Variants in SERPINI1 observed in about 807,000 individuals in gnomAD.
SERPINI1 encodes the protein serpin family I member 1.
In SERPINI1, 19 loss-of-function variants were observed where a neutral mutation model predicts 41.1. That is an observed-to-expected ratio of 0.46 (90% confidence interval 0.32 to 0.68). SERPINI1 has a LOEUF of 0.68. SERPINI1 is among the 30% of genes least tolerant of loss of function. The pLI is 0.03. For missense variants in SERPINI1, 460 were observed against 479.2 expected, an observed-to-expected ratio of 0.96 and a Z score of 0.37; for synonymous variants, 138 against 156.6, an observed-to-expected ratio of 0.88 and a Z score of 0.89.
intron 6 of SERPINI1, among the ~76,000 whole-genome samples, chr3:167,811,910 G>T (rs1382626864): frequency 1.3e-5 from 2 of 152,074 alleles, no homozygotes; most frequent in Non-Finnish European, 2.9e-5. Flanking sequence ...GAATAATTCA[G>T]TACTATCATT....
intron 1 of SERPINI1, among the ~76,000 whole-genome samples, chr3:167,770,278 A>T (rs1052974478): frequency 6.6e-6 from 1 of 151,728 alleles, no homozygotes; most frequent in African/African-American, 2.4e-5. Flanking sequence ...TTAAAGTCTG[A>T]TCTCTCTGGA....
At chr3:167,772,546 C>T (rs1259044068) in intron 1 of SERPINI1, among the ~76,000 whole-genome samples, 1 of 152,150 alleles carries the variant, frequency 6.6e-6, no homozygotes, top group East Asian at 1.9e-4. Flanking sequence ...CCATGATGCT[C>T]ATGGCAACCC....
chr3:167,799,904 A>T (rs986881441), intron 5 of SERPINI1: 1 of 152,100 alleles, frequency 6.6e-6, no homozygotes, highest in African/African-American at 2.4e-5. Context: ...TTTTCTTGTA[A>T]ATTTAAGTTT....
chr3:167,794,945 T>C, intron 5 of SERPINI1, 121 bp downstream of exon 5: 1 of 750,476 alleles, frequency 1.3e-6, no homozygotes, highest in South Asian at 1.6e-5. Flanking sequence ...TCTCTTCTTA[T>C]TCTTGTTCTT....
intron 1 of SERPINI1, among the ~76,000 whole-genome samples, chr3:167,772,868 A>C (rs371833354): frequency 0.12 from 3,124 of 27,098 alleles, 68 homozygotes; most frequent in Non-Finnish European, 0.15. Context: ...CTCTCTCTAT[A>C]TATATATATA....
At chr3:167,755,322 AT>A (rs1198580340) in intron 1 of SERPINI1, among the ~76,000 whole-genome samples, 1 of 152,194 alleles carries the variant, frequency 6.6e-6, no homozygotes, top group Non-Finnish European at 1.5e-5. Context: ...GTCATTTCAG[AT>A]TTCACCAGCA....
rs756112704 is a variant in SERPINI1 at position 167,825,312 on chromosome 3, G to A, written c.1222G>A (p.Glu408Lys). ...AATGAACACAAGTGGACATGATTTC[G>A]AAGAACTTTAAGTTACTTTATTTGA... Reference protein sequence around the residue: ...ETMNTSGHDFEEL With the variant: ...ETMNTSGHDFKEL The change falls in exon 9 of 9, where the codon GAA becomes AAA. Residue 408 changes from glutamate (E) to lysine (K), a missense_variant. By Grantham distance (56) the Glu-to-Lys change is moderately conservative. Transcript: ENST00000446050. 1.1e-5 allele frequency: 18 copies of A among 1,609,888 alleles called. No individual in the cohort carries two copies. Among genetic ancestry groups the A allele is most frequent in the Admixed American group, 5.0e-5 (3 of 59,982 alleles).
chr3:167,793,594 A>ATTT lies in SERPINI1; in HGVS notation c.676+811_676+812insTTT, dbSNP rs544906097. Among the ~76,000 whole-genome samples the ATTT allele has an allele frequency of 1.1e-3, 113 of 106,398 alleles. 1 individual carries two copies. The highest frequency in any genetic ancestry group is 3.8e-3 in the African/African-American group (102 of 26,702). The allele number at this position is 106,398 out of a possible 152,430, so 69.8% of individuals were successfully genotyped here. Reference sequence around the variant, plus strand: ...TCTACAAATATATATATATATATATATATTTTTAATTAGCTAGGCATAATG... The same window carrying ATTT: ...TCTACAAATATATATATATATATATATTTTATTTTTAATTAGCTAGGCATAATG... On this transcript the variant is annotated intron_variant, in intron 4 of 8. Coordinates refer to ENST00000446050, the MANE Select transcript of SERPINI1 (RefSeq NM_001122752.2).
chr3:167,761,440 G>T (rs1423564646), intron 1 of SERPINI1, among the ~76,000 whole-genome samples: 4 of 152,158 alleles, frequency 2.6e-5, no homozygotes, highest in Non-Finnish European at 5.9e-5. Flanking sequence ...TTAAAGATTT[G>T]ATTGATGTGG....
chr3:167,823,001 T>G lies in SERPINI1; in HGVS notation c.995T>G (p.Phe332Cys), dbSNP rs888763842. 6.2e-7 allele frequency: 1 copy of G among 1,606,324 alleles called. No homozygotes were observed. Among genetic ancestry groups the G allele is most frequent in the Non-Finnish European group, 8.5e-7 (1 of 1,173,096 alleles). Residue 332 changes from phenylalanine to cysteine, a missense_variant, in exon 7 of 9, where the codon TTT (phenylalanine) becomes TGT (cysteine). By Grantham distance (205) the Phe-to-Cys change is radical. Transcript: ENST00000446050. The stretch of plus-strand genomic sequence containing the variant: ...CTTTTTGCAGATAATAAGGAGATTT[T>G]TCTTTCCAAAGCAATTCACAAGTCC... ...LTGLSDNKEI[F>C]LSKAIHKSFL...
chr3:167,775,251 T>TATC (rs1427000774), intron 1 of SERPINI1, among the ~76,000 whole-genome samples: 1 of 146,432 alleles, frequency 6.8e-6, no homozygotes, highest in East Asian at 2.0e-4. Flanking sequence ...TTATTATTAT[T>TATC]ATTATTATTA....
At chr3:167,793,189 T>A (rs1176022908) in intron 4 of SERPINI1, among the ~76,000 whole-genome samples, 3 of 152,166 alleles carry the variant, frequency 2.0e-5, no homozygotes, top group Non-Finnish European at 4.4e-5. Flanking sequence ...TTTAAAAAAA[T>A]TTGATTTTAG....
intron 6 of SERPINI1, among the ~76,000 whole-genome samples, chr3:167,812,231 C>T (rs549018844): frequency 6.6e-6 from 1 of 152,304 alleles, no homozygotes; most frequent in Non-Finnish European, 1.5e-5. Flanking sequence ...GCCTTAAAAA[C>T]TTACTCTTAG....
intron 1 of SERPINI1, among the ~76,000 whole-genome samples, chr3:167,776,444 A>G (rs1726971643): frequency 6.6e-6 from 1 of 152,230 alleles, no homozygotes; most frequent in South Asian, 2.1e-4. Flanking sequence ...GCTTTTAACC[A>G]AAAGCCTTTC....
chr3:167,780,431 A>G (rs951071610), intron 1 of SERPINI1, among the ~76,000 whole-genome samples: 1 of 152,192 alleles, frequency 6.6e-6, no homozygotes, highest in Non-Finnish European at 1.5e-5. Context: ...TGTCCTCAGC[A>G]TAGCATTCAT....
chr3:167,819,114 CT>C (rs761295322), intron 6 of SERPINI1, among the ~76,000 whole-genome samples: 11 of 152,044 alleles, frequency 7.2e-5, no homozygotes, highest in Non-Finnish European at 1.2e-4. Context: ...ATATATTTTA[CT>C]GTCTTAAAAT....
At chr3:167,772,864 C>CTCTCTCTCTCTCTCTATATATA (rs1374013676) in intron 1 of SERPINI1, among the ~76,000 whole-genome samples, 3 of 24,664 alleles carry the variant, frequency 1.2e-4, no homozygotes, top group African/African-American at 3.7e-4. Context: ...CTCTCTCTCT[C>CTCTCTCTCTCTCTCTATATATA]TATATATATA....
Position 167,824,364 on chromosome 3 carries a change from G to A in SERPINI1, c.1067-109G>A. The stretch of plus-strand genomic sequence containing the variant: ...TTAAGTCTTTAAAATCTTGTTTCCT[G>A]TAAATTGTTGTCTTTGCATTAGGTG... On this transcript the variant is annotated intron_variant, in intron 7 of 8. Transcript: ENST00000446050. 5 of 763,168 alleles carry A rather than the reference G, an allele frequency of 6.6e-6. No homozygotes were observed. In the South Asian group the frequency reaches 6.8e-5, roughly 10 times the overall value. 47.3% of individuals were successfully genotyped at this position (763,168 alleles called of 1,614,324 possible). A position where few individuals can be genotyped will look rare whatever the true frequency, so the allele number is the denominator to read the frequency against.
At position 167,776,174 on chromosome 3, in the gene SERPINI1, C is replaced by G. The variant is rs189291854; in HGVS notation, c.-18-12937C>G. Reference sequence around the variant, plus strand: ...CACAATGGCCTTGGGCCACATGCAACCTTGATTGATGATGACTTTTTACCC... The same window carrying G: ...CACAATGGCCTTGGGCCACATGCAAGCTTGATTGATGATGACTTTTTACCC... On this transcript the variant is annotated intron_variant, in intron 1 of 8. Transcript: ENST00000446050. Among the ~76,000 whole-genome samples, 297 of 152,292 alleles carry G rather than the reference C, an allele frequency of 2.0e-3. 1 individual carries two copies. Among genetic ancestry groups the G allele is most frequent in the African/African-American group, 7.0e-3 (293 of 41,568 alleles).
Sources: gnomAD v4.1 joint callset for allele counts (sites outside exome capture counted in the v4.1 genomes callset) on GRCh38, gnomAD v4.1.1 for gene constraint, MANE v1.5 for transcripts, NCBI Gene and HGNC (gene_info 2026-07-23, HGNC 2026-07-21) for gene names.